The following LRFN5 variants were observed in gnomAD, a reference collection of about 807,000 sequenced individuals.
The protein encoded by LRFN5 is leucine-rich repeat and fibronectin type-III domain-containing protein 5.
LRFN5 carries 24 observed loss-of-function variants against 45.6 expected under a neutral mutation model. The observed-to-expected ratio is 0.53, with a 90% confidence interval of 0.38 to 0.74. The LOEUF is 0.74. Among genes scored for constraint, LRFN5 ranks in the 30% least tolerant of loss-of-function variants. LRFN5 has a pLI of 0.00. For missense variants in LRFN5, 776 were observed against 861.5 expected, an observed-to-expected ratio of 0.90 and a Z score of 1.24; for synonymous variants, 340 against 313.8, an observed-to-expected ratio of 1.08 and a Z score of -0.88.
chr14:41,607,158 G>C lies in LRFN5; in HGVS notation c.-1601G>C, dbSNP rs1887519109. 1.3e-5 allele frequency among the ~76,000 whole-genome samples: 2 copies of C among 152,192 alleles called. No individual in the cohort carries two copies. The highest frequency in any genetic ancestry group is 4.8e-5 in the African/African-American group (2 of 41,462). ...TATGTATGTGTGTGCGCGTGTTTGC[G>C]TGTGTTTGAGCGTGTTTTTCCTTCT... On this transcript the variant is annotated 5_prime_UTR_variant, in exon 1 of 6. Transcript: ENST00000298119.
chr14:41,833,214 T>C (rs1888545315), intron 2 of LRFN5, among the ~76,000 whole-genome samples: 1 of 152,148 alleles, frequency 6.6e-6, no homozygotes, highest in African/African-American at 2.4e-5. Flanking sequence ...ACGAGCCCAT[T>C]GATAAGAACA....
chr14:41,616,131 A>C (rs1489148559), intron 1 of LRFN5, among the ~76,000 whole-genome samples: 1 of 152,158 alleles, frequency 6.6e-6, no homozygotes, highest in Non-Finnish European at 1.5e-5. Flanking sequence ...ATTCACTCAT[A>C]CATTTTAATG....
intron 2 of LRFN5, among the ~76,000 whole-genome samples, chr14:41,778,280 G>A (rs17781403): frequency 0.27 from 40,947 of 151,370 alleles, 5,849 homozygotes; most frequent in South Asian, 0.42. Flanking sequence ...GAAACAACAT[G>A]ACTCTTCTTT....
In LRFN5 at chr14:41,841,696, T is replaced by A. The variant is rs144678516; in HGVS notation, c.-20-44910T>A. ...TGAACATTCTTATGTTTTTGTAGAT[T>A]TGTACACTCATTTTTTATGAGTATA... is the stretch of plus-strand genomic sequence containing the variant. On this transcript the variant is annotated intron_variant, in intron 2 of 5. Coordinates refer to ENST00000298119, the MANE Select transcript of LRFN5 (RefSeq NM_152447.5). Among the ~76,000 whole-genome samples the A allele has an allele frequency of 6.3e-3, 960 of 152,034 alleles. 6 individuals carry two copies. The highest frequency in any genetic ancestry group is 0.022 in the African/African-American group (926 of 41,542).
chr14:41,770,779 G>A (rs1457896699), intron 2 of LRFN5, among the ~76,000 whole-genome samples: 1 of 152,078 alleles, frequency 6.6e-6, no homozygotes, highest in African/African-American at 2.4e-5. Context: ...ACCACTCTGG[G>A]TTCTGGAGGA....
chr14:41,610,661 T>TAAAAGAAAAAAAAAAAAAA (rs1887711500), intron 1 of LRFN5, among the ~76,000 whole-genome samples: 1 of 37,340 alleles, frequency 2.7e-5, no homozygotes, highest in Non-Finnish European at 6.8e-5. Context: ...CCAGGGAAGG[T>TAAAAGAAAAAAAAAAAAAA]AAAAAAAAAA....
At chr14:41,784,287 G>A (rs111838982) in intron 2 of LRFN5, among the ~76,000 whole-genome samples, 276 of 151,902 alleles carry the variant, frequency 1.8e-3, no homozygotes, top group African/African-American at 6.3e-3. Flanking sequence ...CTCATAATTA[G>A]CATAGCTTTA....
At chr14:41,751,873 C>A (rs1885149034) in intron 1 of LRFN5, among the ~76,000 whole-genome samples, 1 of 151,886 alleles carries the variant, frequency 6.6e-6, no homozygotes, top group Non-Finnish European at 1.5e-5. Flanking sequence ...ATTAACTTGT[C>A]ATTTAACATT....
chr14:41,690,739 C>T (rs943829349), intron 1 of LRFN5, among the ~76,000 whole-genome samples: 3 of 151,964 alleles, frequency 2.0e-5, no homozygotes, highest in Non-Finnish European at 4.4e-5. Context: ...ATTGAAAAGT[C>T]CACTCTTTCT....
At chr14:41,879,670 G>T (rs1890306103) in intron 2 of LRFN5, among the ~76,000 whole-genome samples, 1 of 150,722 alleles carries the variant, frequency 6.6e-6, no homozygotes, top group Non-Finnish European at 1.5e-5. Flanking sequence ...AGAGGATTTT[G>T]ATTTTGAATT....
chr14:41,884,913 G>A (rs902359287), intron 2 of LRFN5, among the ~76,000 whole-genome samples: 2 of 151,900 alleles, frequency 1.3e-5, no homozygotes, highest in Non-Finnish European at 2.9e-5. Flanking sequence ...CCTACAAAAG[G>A]CATTAAATAA....
rs193088650 is a variant in LRFN5, at chr14:41,693,018, T to A, written c.-196-73836T>A. 4.4e-3 allele frequency among the ~76,000 whole-genome samples: 665 copies of A among 152,268 alleles called. 1 individual carries two copies. Among genetic ancestry groups the A allele is most frequent in the Non-Finnish European group, 6.5e-3 (442 of 67,986 alleles). On this transcript the variant is annotated intron_variant, in intron 1 of 5. Coordinates refer to ENST00000298119, the MANE Select transcript of LRFN5 (RefSeq NM_152447.5). Reference sequence around the variant, plus strand: ...TTATTTCCTCATTCAGTTGCTTTTTTAACTTTGTTAAGTATCAATTAACTA... The same window carrying A: ...TTATTTCCTCATTCAGTTGCTTTTTAAACTTTGTTAAGTATCAATTAACTA...
intron 2 of LRFN5, among the ~76,000 whole-genome samples, chr14:41,789,571 A>G (rs1886845281): frequency 6.6e-6 from 1 of 151,898 alleles, no homozygotes; most frequent in South Asian, 2.1e-4. Context: ...GTATTTCTAC[A>G]AAGGCTACTC....
chr14:41,772,533 A>T (rs1886127029), intron 2 of LRFN5, among the ~76,000 whole-genome samples: 1 of 151,950 alleles, frequency 6.6e-6, no homozygotes, highest in Non-Finnish European at 1.5e-5. Context: ...CAAATTAGAC[A>T]TGCTATCTTA....
intron 2 of LRFN5, among the ~76,000 whole-genome samples, chr14:41,820,241 G>A (rs570808587): frequency 6.6e-6 from 1 of 151,800 alleles, no homozygotes; most frequent in South Asian, 2.1e-4. Flanking sequence ...AATTTTTATA[G>A]TTTCAGGTCT....
At chr14:41,620,416 A>G (rs751682779) in intron 1 of LRFN5, among the ~76,000 whole-genome samples, 5 of 152,112 alleles carry the variant, frequency 3.3e-5, no homozygotes, top group Non-Finnish European at 7.4e-5. Flanking sequence ...AAAAGTAGGT[A>G]AAGTATCTTG....
At chr14:41,893,955 T>C in intron 4 of LRFN5, 1 of 985,130 alleles carries the variant, frequency 1.0e-6, no homozygotes, top group Non-Finnish European at 1.2e-6. Context: ...CAGAGTGAAA[T>C]ATATTTTCAG....
chr14:41,656,126 G>A (rs1880369013), intron 1 of LRFN5, among the ~76,000 whole-genome samples: 1 of 151,868 alleles, frequency 6.6e-6, no homozygotes, highest in Non-Finnish European at 1.5e-5. Flanking sequence ...ACTGAAATTG[G>A]CATATAGTTC....
chr14:41,741,814 TA>T lies in LRFN5; in HGVS notation c.-196-25028del, dbSNP rs59143932. On this transcript the variant is annotated intron_variant, in intron 1 of 5. Coordinates refer to ENST00000298119, the MANE Select transcript of LRFN5 (RefSeq NM_152447.5). Reference sequence around the variant, plus strand: ...CCATACATATGGTAAGGGGCTAAAATAAAAAAAAAAAACCAAAAAACTAATT... The same window carrying T: ...CCATACATATGGTAAGGGGCTAAAATAAAAAAAAAAACCAAAAAACTAATT... Among the ~76,000 whole-genome samples, 360 of 134,944 alleles carry T rather than the reference TA, an allele frequency of 2.7e-3. 2 individuals carry two copies. The highest frequency in any genetic ancestry group is 3.5e-3 in the Non-Finnish European group (215 of 61,972). 88.5% of individuals were successfully genotyped at this position (134,944 alleles called of 152,430 possible). A position where few individuals can be genotyped will look rare whatever the true frequency, so the allele number is the denominator to read the frequency against.
Sources: gnomAD v4.1 joint callset for allele counts (sites outside exome capture counted in the v4.1 genomes callset) on GRCh38, gnomAD v4.1.1 for gene constraint, MANE v1.5 for transcripts, NCBI Gene and HGNC (gene_info 2026-07-23, HGNC 2026-07-21) for gene names.